The following IGSF3 variants were observed in gnomAD, a reference collection of about 807,000 sequenced individuals.
IGSF3 encodes glu-Trp-Ile EWI motif-containing protein 3.
Under a neutral mutation model 114.4 loss-of-function variants are expected in IGSF3, and 23 were observed. The observed-to-expected ratio is 0.20, with a 90% CI of 0.14 to 0.28. IGSF3 has a LOEUF of 0.28. Among genes scored for constraint, IGSF3 ranks in the 10% least tolerant of loss-of-function variants. The probability of loss-of-function intolerance (pLI) is 1.00; values close to 1 mark genes in which losing one functional copy is unlikely to be tolerated. For synonymous variants in IGSF3, 571 were observed against 645.2 expected (o/e 0.88, Z 1.74); for missense variants, 1,172 against 1,591.5 (o/e 0.74, Z 4.48).
In IGSF3 at chr1:116,624,539, T is replaced by C. The variant is rs1316218344; in HGVS notation, c.44-8082A>G. The stretch of plus-strand genomic sequence containing the variant: ...TAGTAGCAATAGTAGTGATATTAAC[T>C]CTAGCTGTGGAACTAATTTCTCCCA... On this transcript the variant is annotated intron_variant, in intron 2 of 10. Coordinates refer to ENST00000369486, the MANE Select transcript of IGSF3 (RefSeq NM_001007237.3). This position sits in a 1 kb window ranked among gnomAD's most constrained non-coding sequence, Gnocchi z 4.9. Among the ~76,000 whole-genome samples, 3 of 152,260 alleles carry C rather than the reference T, an allele frequency of 2.0e-5. No homozygotes were observed. The highest frequency in any genetic ancestry group is 7.2e-5 in the African/African-American group (3 of 41,472).
In IGSF3 at chr1:116,613,979, G is replaced by A. The variant is rs1396840468; in HGVS notation, c.618C>T (p.Ser206=). The change falls in exon 4 of 11, where the codon TCC becomes TCT. Residue 206 remains serine, a synonymous_variant. Transcript: ENST00000369486. ...TCTGCCTCTGGGCATATTCGCTGCT[G>A]GAGTGAAGCATGAAATCTCGGCTCA... is the stretch of plus-strand genomic sequence containing the variant. ...ISLSRDFMLH[S]SSEYAQRQSL... is the part of the protein sequence containing the mutation. The A allele has an allele frequency of 6.2e-7, 1 of 1,614,034 alleles. No individual in the cohort carries two copies. Among genetic ancestry groups the A allele is most frequent in the East Asian group, 2.2e-5 (1 of 44,890 alleles).
Position 116,584,682 on chromosome 1 carries a change from G to T in IGSF3, c.2811C>A (p.Asp937Glu). ...CTGTCAGAGCTGTCTGCCCAGCGGT[G>T]TCCTCTGCCCGCTTATACCACATGC... The part of the protein sequence containing the change: ...PSGMWYKRAE[D>E]TAGQTALTVM... The change falls in exon 9 of 11, where the codon GAC becomes GAA. Residue 937 changes from aspartate to glutamate, a missense_variant. Asp to Glu is a conservative substitution (Grantham distance 45). Around this residue, in one of 3 missense-constraint regions of IGSF3, gnomAD observed 423 missense variants for 509.8 expected, o/e 0.83. Transcript: ENST00000369486. The surrounding 1 kb of genome is among the most constrained non-coding windows in gnomAD (Gnocchi z 5.8). The T allele has an allele frequency of 1.2e-6, 2 of 1,614,186 alleles. No individual in the cohort carries two copies. Among genetic ancestry groups the T allele is most frequent in the Non-Finnish European group, 1.7e-6 (2 of 1,180,000 alleles).
intron 2 of IGSF3, among the ~76,000 whole-genome samples, chr1:116,622,215 C>T (rs1178650354): frequency 1.3e-5 from 2 of 152,146 alleles, no homozygotes; most frequent in East Asian, 3.8e-4. Context: ...TGCGACTCAG[C>T]CACACTAGTA....
Position 116,579,796 on chromosome 1 carries a change from A to C in IGSF3, c.2930T>G (p.Val977Gly). ...KAAFQLDCSI[V>G]SRSSQDSRFA... is the part of the protein sequence containing the mutation. ...GCGGGAGTCCTGGCTGGAGCGGGACACGATGCTACAGTCCAGCTGGAAAGC... is the reference window on the plus strand; with the variant it reads ...GCGGGAGTCCTGGCTGGAGCGGGACCCGATGCTACAGTCCAGCTGGAAAGC... The change falls in exon 10 of 11, where the codon GTG becomes GGG. Residue 977 changes from valine (V) to glycine (G), a missense_variant. By Grantham distance (109) the Val-to-Gly change is moderately radical (BLOSUM62 -3). This residue lies in a region of IGSF3 where 423 missense variants were observed against 509.8 expected (regional missense o/e 0.83). Coordinates refer to ENST00000369486, the MANE Select transcript of IGSF3 (RefSeq NM_001007237.3). This position sits in a 1 kb window ranked among gnomAD's most constrained non-coding sequence, Gnocchi z 6.4. 1 of 1,614,078 alleles carries C rather than the reference A, an allele frequency of 6.2e-7. No individual in the cohort carries two copies. The highest frequency in any genetic ancestry group is 8.5e-7 in the Non-Finnish European group (1 of 1,180,012).
chr1:116,613,913 G>C lies in IGSF3; in HGVS notation c.684C>G (p.Thr228=). 2 of 1,613,966 alleles carry C rather than the reference G, an allele frequency of 1.2e-6. No individual in the cohort carries two copies. The highest frequency in any genetic ancestry group is 8.5e-7 in the Non-Finnish European group (1 of 1,179,864). ...EVRLDKLGRT[T]FRLTIFHLQP... ...GCAGGTGGAAGATGGTGAGGCGGAAGGTGGTCCTCCCCAGCTTGTCCAGCC... is the reference window on the plus strand; with the variant it reads ...GCAGGTGGAAGATGGTGAGGCGGAACGTGGTCCTCCCCAGCTTGTCCAGCC... Residue 228 remains threonine (T), a synonymous_variant, in exon 4 of 11, where the codon ACC becomes ACG. Coordinates refer to ENST00000369486, the MANE Select transcript of IGSF3 (RefSeq NM_001007237.3).
intron 2 of IGSF3, among the ~76,000 whole-genome samples, chr1:116,637,267 T>C (rs1647876565): frequency 6.6e-6 from 1 of 152,186 alleles, no homozygotes; most frequent in Non-Finnish European, 1.5e-5. Flanking sequence ...TTCTTTACTT[T>C]GAACTGAAAT....
chr1:116,666,056 T>C (rs1438107822), intron 2 of IGSF3, among the ~76,000 whole-genome samples: 2 of 152,150 alleles, frequency 1.3e-5, no homozygotes, highest in Non-Finnish European at 2.9e-5. Context: ...AGACAGACAC[T>C]TTAAGAACAG....
chr1:116,584,879 G>C lies in IGSF3; in HGVS notation c.2614C>G (p.Arg872Gly). ...PERETVARLS[R>G]DATFHYGEQA... Reference sequence around the variant, plus strand: ...TCTCCATAGTGGAAGGTGGCGTCACGGCTCAAGCGGGCCACAGTCTCCCGC... The same window carrying C: ...TCTCCATAGTGGAAGGTGGCGTCACCGCTCAAGCGGGCCACAGTCTCCCGC... The change falls in exon 9 of 11, where the codon CGT (arginine) becomes GGT (glycine). Residue 872 changes from arginine (R) to glycine (G), a missense_variant. By Grantham distance (125) the Arg-to-Gly change is moderately radical. This residue lies in a region of IGSF3 where 423 missense variants were observed against 509.8 expected (regional missense o/e 0.83). Transcript: ENST00000369486. This position sits in a 1 kb window ranked among gnomAD's most constrained non-coding sequence, Gnocchi z 5.8. The C allele has an allele frequency of 6.2e-7, 1 of 1,614,200 alleles. No individual in the cohort carries two copies. The highest frequency in any genetic ancestry group is 8.5e-7 in the Non-Finnish European group (1 of 1,180,030).
intron 4 of IGSF3, 87 bp from the exon 5 acceptor site, chr1:116,608,418 T>C: frequency 1.1e-6 from 1 of 911,702 alleles, no homozygotes; most frequent in Non-Finnish European, 1.7e-6. Context: ...CCCACTATCC[T>C]TCCTCTTCTT....
rs369998883 is a variant in IGSF3 at position 116,600,088 on chromosome 1, C to T, written c.1882G>A (p.Val628Ile). ...AIEKAESSNN[V>I]RLSISRASDT... ...CTGGCTCGGCTGATGCTTAGGCGGA[C>T]GTTGTTGCTGGACTCAGCCTTCTCG... The change falls in exon 7 of 11, where the codon GTC (valine) becomes ATC (isoleucine). Residue 628 changes from valine to isoleucine, a missense_variant. Physicochemically the swap from Val to Ile is conservative, Grantham distance 29. Transcript: ENST00000369486. This position sits in a 1 kb window ranked among gnomAD's most constrained non-coding sequence, Gnocchi z 5.5. 4.8e-5 allele frequency: 77 copies of T among 1,614,038 alleles called. No homozygotes were observed. Among genetic ancestry groups the T allele is most frequent in the Admixed American group, 1.7e-4 (10 of 60,000 alleles).
chr1:116,663,644 A>G (rs1649207838), intron 2 of IGSF3, among the ~76,000 whole-genome samples: 1 of 152,170 alleles, frequency 6.6e-6, no homozygotes, highest in Non-Finnish European at 1.5e-5. Context: ...CCCAACAGAC[A>G]GAAAAGAGGA....
intron 2 of IGSF3, among the ~76,000 whole-genome samples, chr1:116,621,986 G>C (rs1467395717): frequency 6.6e-6 from 1 of 152,166 alleles, no homozygotes; most frequent in African/African-American, 2.4e-5. Context: ...AGGGGTCACT[G>C]TGTCTGGGAA....
rs1659501673 is a variant in IGSF3 at position 116,579,558 on chromosome 1, C to T, written c.3168G>A (p.Gln1056=). 1 of 1,614,052 alleles carries T rather than the reference C, an allele frequency of 6.2e-7. No individual in the cohort carries two copies. The highest frequency in any genetic ancestry group is 8.5e-7 in the Non-Finnish European group (1 of 1,180,034). ...GCCGGTAGAGCACCGGGGAGAGCCT[C>T]TGGAAGCGAAGCCTGCCCTCCCAAG... ...GSPWEGRLRF[Q]RLSPVLYRLT... The change falls in exon 10 of 11, where the codon CAG becomes CAA. Residue 1056 remains glutamine, a synonymous_variant. Transcript: ENST00000369486. This position sits in a 1 kb window ranked among gnomAD's most constrained non-coding sequence, Gnocchi z 6.4.
At position 116,593,637 on chromosome 1, in the gene IGSF3, T is replaced by C. The variant is rs1660215898; in HGVS notation, c.2030-4533A>G. 6.6e-6 allele frequency among the ~76,000 whole-genome samples: 1 copy of C among 152,176 alleles called. No homozygotes were observed. Reference sequence around the variant, plus strand: ...CTGCTCTCTCCACATGACCATTCCCTATTTGGGCCCTCAATGATCTCTTTC... The same window carrying C: ...CTGCTCTCTCCACATGACCATTCCCCATTTGGGCCCTCAATGATCTCTTTC... On this transcript the variant is annotated intron_variant, in intron 7 of 10. Coordinates refer to ENST00000369486, the MANE Select transcript of IGSF3 (RefSeq NM_001007237.3). This position sits in a 1 kb window ranked among gnomAD's most constrained non-coding sequence, Gnocchi z 4.5.
In IGSF3 at chr1:116,661,877, T is replaced by C. The variant is rs778334118; in HGVS notation, c.43+4407A>G. Among the ~76,000 whole-genome samples, 1 of 152,202 alleles carries C rather than the reference T, an allele frequency of 6.6e-6. No individual in the cohort carries two copies. Among genetic ancestry groups the C allele is most frequent in the Non-Finnish European group, 1.5e-5 (1 of 68,048 alleles). On this transcript the variant is annotated intron_variant, in intron 2 of 10. Transcript: ENST00000369486. The surrounding 1 kb of genome is among the most constrained non-coding windows in gnomAD (Gnocchi z 4.0). Reference sequence around the variant, plus strand: ...CCAATGAGAATGTTAGTGGAAGTGATGTATATAACTTCCAGGAAGTATCCT... The same window carrying C: ...CCAATGAGAATGTTAGTGGAAGTGACGTATATAACTTCCAGGAAGTATCCT...
At chr1:116,663,969 C>A (rs1232209798) in intron 2 of IGSF3, among the ~76,000 whole-genome samples, 1 of 152,202 alleles carries the variant, frequency 6.6e-6, no homozygotes, top group Non-Finnish European at 1.5e-5. Context: ...AGCAAGAATG[C>A]TGACACATGA....
chr1:116,656,361 C>T lies in IGSF3; in HGVS notation c.43+9923G>A, dbSNP rs560612991. On this transcript the variant is annotated intron_variant, in intron 2 of 10. Transcript: ENST00000369486. ...TGTTGCCCAGGCTGGAGTGCAGTGG[C>T]GCAATCTCGGCTCACTGCAAGCTCC... Among the ~76,000 whole-genome samples the T allele has an allele frequency of 3.8e-5, 5 of 130,020 alleles. No individual in the cohort carries two copies. The South Asian group carries it at 1.2e-3, about 32-fold the overall frequency. The allele number at this position is 130,020 out of a possible 152,430, so 85.3% of individuals were successfully genotyped here.
Position 116,614,356 on chromosome 1 carries a change from A to G in IGSF3, c.422-181T>C, listed in dbSNP as rs575098689. Among the ~76,000 whole-genome samples, 3 of 152,324 alleles carry G rather than the reference A, an allele frequency of 2.0e-5. No individual in the cohort carries two copies. Among genetic ancestry groups the G allele is most frequent in the Admixed American group, 2.0e-4 (3 of 15,304 alleles). ...CATAAACAGAAAGTTTTCTGTTTGG[A>G]TTTGGAAATGCATTATTTTGGTGCT... On this transcript the variant is annotated intron_variant, in intron 3 of 10. Coordinates refer to ENST00000369486, the MANE Select transcript of IGSF3 (RefSeq NM_001007237.3). The surrounding 1 kb of genome is among the most constrained non-coding windows in gnomAD (Gnocchi z 4.5).
Position 116,612,866 on chromosome 1 carries a change from GCTGTCAGCT to G in IGSF3, c.832+890_832+898del, listed in dbSNP as rs1462015719. Among the ~76,000 whole-genome samples, 9 of 152,378 alleles carry G rather than the reference GCTGTCAGCT, an allele frequency of 5.9e-5. No individual in the cohort carries two copies. Among genetic ancestry groups the G allele is most frequent in the Non-Finnish European group, 1.2e-4 (8 of 68,040 alleles). ...AGCCCAGCAGAGGCAGCCAGCAACA[GCTGTCAGCT>G]CTGGCCTGGAGCCTGGTGGGCTCAG... is the stretch of plus-strand genomic sequence containing the variant. On this transcript the variant is annotated intron_variant, in intron 4 of 10. Coordinates refer to ENST00000369486, the MANE Select transcript of IGSF3 (RefSeq NM_001007237.3). This position sits in a 1 kb window ranked among gnomAD's most constrained non-coding sequence, Gnocchi z 4.1.
Sources: allele counts gnomAD v4.1 joint callset (sites outside exome capture counted in the v4.1 genomes callset), GRCh38; gene constraint gnomAD v4.1.1; regional missense constraint gnomAD v4.1.1; non-coding constraint Gnocchi (gnomAD v3.1); transcripts MANE v1.5; gene names NCBI Gene and HGNC (gene_info 2026-07-23, HGNC 2026-07-21).